NCEH1: variants seen among roughly 807,000 people sequenced by gnomAD.
NCEH1 encodes the protein neutral cholesterol ester hydrolase 1.
Under a neutral mutation model 25.4 loss-of-function variants are expected in NCEH1, and 9 were observed. The ratio of observed to expected loss-of-function variants is 0.35; its 90% confidence interval spans 0.21 to 0.62. The LOEUF (loss-of-function observed/expected upper bound fraction) is 0.62. Ranked by LOEUF, NCEH1 falls within the 20% of genes least tolerant of loss-of-function variation. The pLI is 0.72. For synonymous variants in NCEH1, 200 were observed against 199.8 expected, an observed-to-expected ratio of 1.00 and a Z score of -0.01; for missense variants, 412 against 501.1, an observed-to-expected ratio of 0.82 and a Z score of 1.70.
At chr3:172,692,601 G>C (rs972916544) in intron 1 of NCEH1, among the ~76,000 whole-genome samples, 6 of 152,000 alleles carry the variant, frequency 3.9e-5, no homozygotes, top group African/African-American at 1.5e-4. Context: ...CTGGGCTCAA[G>C]TGACCCACTT....
intron 1 of NCEH1, among the ~76,000 whole-genome samples, chr3:172,665,254 C>G (rs995084972): frequency 9.8e-5 from 15 of 152,322 alleles, no homozygotes; most frequent in South Asian, 6.2e-4. Flanking sequence ...GCTGGAGGTC[C>G]ACTCCAGACC....
chr3:172,634,889 A>C (rs1263287474), intron 4 of NCEH1, among the ~76,000 whole-genome samples: 2 of 152,232 alleles, frequency 1.3e-5, no homozygotes, highest in African/African-American at 4.8e-5. Flanking sequence ...TTAGAAACCC[A>C]TTCCCAGGTG....
At chr3:172,689,011 A>G (rs1232446356) in intron 1 of NCEH1, among the ~76,000 whole-genome samples, 1 of 152,216 alleles carries the variant, frequency 6.6e-6, no homozygotes, top group Non-Finnish European at 1.5e-5. Context: ...ACCACTGACT[A>G]AACTTTTGTT....
intron 1 of NCEH1, among the ~76,000 whole-genome samples, chr3:172,652,076 C>T (rs1025828718): frequency 7.2e-5 from 11 of 152,200 alleles, no homozygotes; most frequent in African/African-American, 2.4e-4. Flanking sequence ...TCTGAAGCAG[C>T]TGACCCTGTG....
At chr3:172,661,437 G>A (rs1278969913) in intron 1 of NCEH1, among the ~76,000 whole-genome samples, 1 of 152,162 alleles carries the variant, frequency 6.6e-6, no homozygotes, top group African/African-American at 2.4e-5. Context: ...TTTTGGCTTA[G>A]GATTGTCTTG....
At chr3:172,634,854 T>C (rs1335481605) in intron 4 of NCEH1, among the ~76,000 whole-genome samples, 6 of 152,230 alleles carry the variant, frequency 3.9e-5, no homozygotes, top group Non-Finnish European at 7.3e-5. Flanking sequence ...ACTTTAGCCA[T>C]ACACTTCTGC....
intron 1 of NCEH1, among the ~76,000 whole-genome samples, chr3:172,656,731 C>T (rs1431772141): frequency 6.6e-6 from 1 of 152,104 alleles, no homozygotes; most frequent in Non-Finnish European, 1.5e-5. Context: ...TGCACCACTG[C>T]ACTCCAGCCT....
At chr3:172,636,806 T>A (rs558289584) in intron 3 of NCEH1, among the ~76,000 whole-genome samples, 1 of 152,198 alleles carries the variant, frequency 6.6e-6, no homozygotes, top group African/African-American at 2.4e-5. Context: ...CCCCTTAAGA[T>A]TCCCAGAAAG....
chr3:172,661,443 T>A (rs990078766), intron 1 of NCEH1, among the ~76,000 whole-genome samples: 2 of 152,222 alleles, frequency 1.3e-5, no homozygotes, highest in Admixed American at 6.5e-5. Flanking sequence ...CTTAGGATTG[T>A]CTTGGCAATG....
At chr3:172,656,218 A>G (rs549151140) in intron 1 of NCEH1, among the ~76,000 whole-genome samples, 3 of 152,222 alleles carry the variant, frequency 2.0e-5, no homozygotes, top group Non-Finnish European at 4.4e-5. Context: ...TAAGGAAGGC[A>G]CTAGAACAGT....
chr3:172,685,464 C>G (rs931530515), intron 1 of NCEH1, among the ~76,000 whole-genome samples: 3 of 152,106 alleles, frequency 2.0e-5, no homozygotes, highest in African/African-American at 7.2e-5. Context: ...TTTTAAAACC[C>G]AAAGGGCCCA....
chr3:172,659,486 T>C (rs1717868376), intron 1 of NCEH1, among the ~76,000 whole-genome samples: 1 of 152,222 alleles, frequency 6.6e-6, no homozygotes, highest in African/African-American at 2.4e-5. Context: ...TAGCACCAGC[T>C]TGTCAGGGCT....
rs1334771297 is a variant in NCEH1 at position 172,633,374 on chromosome 3, G to A, written c.*101C>T. ...AGAAATTCCATAACTCGCAAGTAGA[G>A]GGGAATGGGAGGAAGAATTAGTCAA... On this transcript the variant is annotated 3_prime_UTR_variant, in exon 5 of 5. Coordinates refer to ENST00000475381, the MANE Select transcript of NCEH1 (RefSeq NM_020792.6). The A allele has an allele frequency of 2.7e-6, 3 of 1,099,644 alleles. No homozygotes were observed. Among genetic ancestry groups the A allele is most frequent in the Non-Finnish European group, 4.0e-6 (3 of 755,310 alleles). 68.1% of individuals were successfully genotyped at this position (1,099,644 alleles called of 1,614,324 possible). A position where few individuals can be genotyped will look rare whatever the true frequency, so the allele number is the denominator to read the frequency against.
Position 172,633,548 on chromosome 3 carries a change from C to G in NCEH1, c.1154G>C (p.Ser385Thr), listed in dbSNP as rs1399525129. The G allele has an allele frequency of 1.9e-6, 3 of 1,613,906 alleles. No homozygotes were observed. In the Admixed American group the frequency reaches 5.0e-5, roughly 27 times the overall value. The part of the protein sequence containing the change: ...DGFHGCMIFT[S>T]WPTNFSVGIR... The stretch of plus-strand genomic sequence containing the variant: ...TCCCACTGAGAAGTTGGTGGGCCAG[C>G]TAGTGAAAATCATACATCCGTGAAA... Residue 385 changes from serine to threonine, a missense_variant, in exon 5 of 5, where the codon AGC becomes ACC. Physicochemically the swap from Ser to Thr is moderately conservative, Grantham distance 58. Transcript: ENST00000475381.
chr3:172,704,579 C>G (rs1194151742), intron 1 of NCEH1, among the ~76,000 whole-genome samples: 4 of 152,178 alleles, frequency 2.6e-5, no homozygotes, highest in Admixed American at 2.6e-4. Context: ...AGCTCCTTGC[C>G]TTGGTGTTCA....
At chr3:172,700,867 G>GA (rs976572823) in intron 1 of NCEH1, among the ~76,000 whole-genome samples, 55 of 148,908 alleles carry the variant, frequency 3.7e-4, no homozygotes, top group South Asian at 1.1e-3. Flanking sequence ...GTTATTTATT[G>GA]AAAAAAAAAT....
chr3:172,675,327 A>AATTAATTAATT (rs1553835603), intron 1 of NCEH1, among the ~76,000 whole-genome samples: 1,888 of 148,944 alleles, frequency 0.013, 47 homozygotes, highest in African/African-American at 0.045. Flanking sequence ...ATAAATAAAT[A>AATTAATTAATT]AATAAATAAA....
chr3:172,660,545 T>C (rs909947039), intron 1 of NCEH1, among the ~76,000 whole-genome samples: 1 of 152,302 alleles, frequency 6.6e-6, no homozygotes, highest in South Asian at 2.1e-4. Flanking sequence ...CTTGAGGAAT[T>C]GCCACACTGT....
At chr3:172,680,994 GAAAAAAA>G (rs34327297) in intron 1 of NCEH1, 1 of 134,934 alleles carries the variant, frequency 7.4e-6, no homozygotes, top group African/African-American at 2.7e-5. Flanking sequence ...TCAGCCTCTA[GAAAAAAA>G]AAAAAAAAAA....
Sources: gnomAD v4.1 joint callset for allele counts (sites outside exome capture counted in the v4.1 genomes callset) on GRCh38, gnomAD v4.1.1 for gene constraint, MANE v1.5 for transcripts, NCBI Gene and HGNC (gene_info 2026-07-23, HGNC 2026-07-21) for gene names.